Variants in GALNT17 observed in about 807,000 individuals in gnomAD.
GALNT17 encodes the protein UDP-GalNAc:polypeptide N-acetylgalactosaminyltransferase-like 3.
A neutral mutation model predicts 63.7 loss-of-function variants in GALNT17; 29 were observed. The observed-to-expected ratio is 0.46, with a 90% CI of 0.34 to 0.62. The LOEUF (loss-of-function observed/expected upper bound fraction) is 0.62. GALNT17 is among the 20% of genes least tolerant of loss of function. The probability of loss-of-function intolerance (pLI) is 0.01; values close to 1 mark genes in which losing one functional copy is unlikely to be tolerated. For missense variants in GALNT17, 603 were observed against 799.6 expected (o/e 0.75, Z 2.97); for synonymous variants, 305 against 318.3 (o/e 0.96, Z 0.45).
intron 9 of GALNT17, among the ~76,000 whole-genome samples, chr7:71,693,255 C>CACACAT (rs1252979841): frequency 2.4e-3 from 206 of 87,156 alleles, no homozygotes; most frequent in African/African-American, 0.01. Context: ...TATATACACA[C>CACACAT]ACACACATAC....
Position 71,132,795 on chromosome 7 carries a change from G to A in GALNT17, c.-8G>A, listed in dbSNP as rs1787707047. 1 of 1,591,266 alleles carries A rather than the reference G, an allele frequency of 6.3e-7. No homozygotes were observed. Among genetic ancestry groups the A allele is most frequent in the Non-Finnish European group, 8.6e-7 (1 of 1,166,468 alleles). On this transcript the variant is annotated 5_prime_UTR_variant, in exon 1 of 11. Transcript: ENST00000333538. ...CAGGTCCGGGGCGAGGGCCGGCCGG[G>A]CTGTTTGATGGCTTCACTGAGAAGA...
chr7:71,167,409 G>A (rs370127595), intron 1 of GALNT17, among the ~76,000 whole-genome samples: 36 of 152,124 alleles, frequency 2.4e-4, no homozygotes, highest in Admixed American at 7.9e-4. Context: ...GGAAATTTCC[G>A]TTCAAATCAT....
intron 1 of GALNT17, among the ~76,000 whole-genome samples, chr7:71,277,168 T>C (rs976137765): frequency 6.6e-6 from 1 of 152,140 alleles, no homozygotes; most frequent in African/African-American, 2.4e-5. Context: ...TAAAAAGGAA[T>C]GAAATCGTGT....
Position 71,444,157 on chromosome 7 carries a change from T to C in GALNT17, c.962+23052T>C, listed in dbSNP as rs771686598. On this transcript the variant is annotated intron_variant, in intron 5 of 10. Coordinates refer to ENST00000333538, the MANE Select transcript of GALNT17 (RefSeq NM_022479.3). ...GAAGACATCTGCCATGGGCCTAACT[T>C]GGGATCTGACCTCTCAGCTTCCTCA... 6.6e-5 allele frequency among the ~76,000 whole-genome samples: 10 copies of C among 152,302 alleles called. No homozygotes were observed. In the East Asian group the frequency reaches 7.7e-4, roughly 12 times the overall value.
intron 1 of GALNT17, among the ~76,000 whole-genome samples, chr7:71,246,314 G>A (rs1790096466): frequency 6.6e-6 from 1 of 151,042 alleles, no homozygotes; most frequent in Non-Finnish European, 1.5e-5. Flanking sequence ...GTAGAGATGG[G>A]ATTTCACCAT....
chr7:71,353,867 G>A (rs1792232004), intron 2 of GALNT17, among the ~76,000 whole-genome samples: 1 of 152,168 alleles, frequency 6.6e-6, no homozygotes, highest in Admixed American at 6.5e-5. Flanking sequence ...AATAAAAGAG[G>A]TTTAATTGAC....
At chr7:71,295,313 A>G (rs1014512784) in intron 1 of GALNT17, among the ~76,000 whole-genome samples, 9 of 152,086 alleles carry the variant, frequency 5.9e-5, no homozygotes, top group South Asian at 2.1e-4. Flanking sequence ...CTAGGCAGCT[A>G]TCTATTCCAT....
chr7:71,566,810 C>T (rs544728493), intron 5 of GALNT17, among the ~76,000 whole-genome samples: 3 of 152,220 alleles, frequency 2.0e-5, no homozygotes, highest in South Asian at 4.1e-4. Context: ...AAGGACCCTC[C>T]TGTAACTTAG....
intron 1 of GALNT17, among the ~76,000 whole-genome samples, chr7:71,301,787 T>C (rs191870882): frequency 1.3e-5 from 2 of 152,262 alleles, no homozygotes; most frequent in African/African-American, 4.8e-5. Flanking sequence ...ATGAATAATG[T>C]AAAGGATAGG....
intron 1 of GALNT17, among the ~76,000 whole-genome samples, chr7:71,163,557 A>C (rs562348177): frequency 6.6e-6 from 1 of 152,308 alleles, no homozygotes; most frequent in East Asian, 1.9e-4. Context: ...AGTCATAGTT[A>C]CTTCTTTTGG....
intron 5 of GALNT17, among the ~76,000 whole-genome samples, chr7:71,450,808 T>A (rs1287114952): frequency 6.6e-6 from 1 of 152,210 alleles, no homozygotes; most frequent in Non-Finnish European, 1.5e-5. Flanking sequence ...TTTCAAGGCG[T>A]GTGTGCTGGC....
At chr7:71,533,595 A>G (rs535221151) in intron 5 of GALNT17, among the ~76,000 whole-genome samples, 1 of 152,314 alleles carries the variant, frequency 6.6e-6, no homozygotes, top group African/African-American at 2.4e-5. Flanking sequence ...CCTTCATGGA[A>G]TAAGGCGGCA....
intron 5 of GALNT17, among the ~76,000 whole-genome samples, chr7:71,443,874 G>A (rs745657254): frequency 1.2e-4 from 18 of 152,080 alleles, no homozygotes; most frequent in Non-Finnish European, 2.1e-4. Context: ...ACAGGCGCCT[G>A]CCACCACCCC....
chr7:71,515,331 C>T (rs1562671798), intron 5 of GALNT17, among the ~76,000 whole-genome samples: 1 of 152,162 alleles, frequency 6.6e-6, no homozygotes, highest in Non-Finnish European at 1.5e-5. Flanking sequence ...CCAGGAGATT[C>T]CTGCTAGTGG....
chr7:71,166,628 A>C (rs1206743407), intron 1 of GALNT17, among the ~76,000 whole-genome samples: 1 of 152,056 alleles, frequency 6.6e-6, no homozygotes, highest in Non-Finnish European at 1.5e-5. Flanking sequence ...TTTTTGTCTG[A>C]CTTCTTTCAC....
chr7:71,418,127 T>C (rs1786576167), intron 4 of GALNT17, among the ~76,000 whole-genome samples: 1 of 152,190 alleles, frequency 6.6e-6, no homozygotes, highest in Non-Finnish European at 1.5e-5. Context: ...ACTGGGACAG[T>C]TGGACACTAA....
chr7:71,498,009 A>G (rs1051854573), intron 5 of GALNT17, among the ~76,000 whole-genome samples: 5 of 152,254 alleles, frequency 3.3e-5, no homozygotes, highest in Admixed American at 2.0e-4. Context: ...GTGTATGCAC[A>G]TGCGTGTGGG....
intron 1 of GALNT17, among the ~76,000 whole-genome samples, chr7:71,236,546 A>G (rs962691526): frequency 3.3e-5 from 5 of 152,074 alleles, no homozygotes; most frequent in African/African-American, 7.2e-5. Context: ...ATCTTTTTCT[A>G]TAAGATGGGG....
chr7:71,170,296 G>A (rs1314796561), intron 1 of GALNT17, among the ~76,000 whole-genome samples: 7 of 152,134 alleles, frequency 4.6e-5, no homozygotes, highest in African/African-American at 1.7e-4. Context: ...GAAGGGATAT[G>A]TTCAGTTTAA....
Sources: gnomAD v4.1 joint callset for allele counts (sites outside exome capture counted in the v4.1 genomes callset) on GRCh38, gnomAD v4.1.1 for gene constraint, MANE v1.5 for transcripts, NCBI Gene and HGNC (gene_info 2026-07-23, HGNC 2026-07-21) for gene names.